ZNF385D: variants seen among roughly 807,000 people sequenced by gnomAD.
ZNF385D encodes zinc finger protein 385D.
Under a neutral mutation model 35.8 loss-of-function variants are expected in ZNF385D, and 15 were observed. The observed-to-expected ratio is 0.42, with a 90% CI of 0.28 to 0.64. The LOEUF is 0.64. ZNF385D is among the 30% of genes least tolerant of loss of function. ZNF385D has a pLI of 0.23. For synonymous variants in ZNF385D, 212 were observed against 186.8 expected (o/e 1.13, Z -1.10); for missense variants, 474 against 494.6 (o/e 0.96, Z 0.39).
rs1440718176 is a variant in ZNF385D, at chr3:21,683,606, G to T, written c.23-18578C>A. ...CACTCCAGCCTGGGTGAGAGAGTGA[G>T]ACTCCATCTCAAAAAAAAAAGAGAT... is the stretch of plus-strand genomic sequence containing the variant. On this transcript the variant is annotated intron_variant, in intron 1 of 7. Transcript: ENST00000281523. Among the ~76,000 whole-genome samples, 6 of 149,216 alleles carry T rather than the reference G, an allele frequency of 4.0e-5. 1 individual carries two copies. Among genetic ancestry groups the T allele is most frequent in the African/African-American group, 1.5e-4 (6 of 40,428 alleles).
rs1414907480 is a variant in ZNF385D, at chr3:21,812,674, G to T, written c.326-147646C>A. Among the ~76,000 whole-genome samples, 3 of 152,328 alleles carry T rather than the reference G, an allele frequency of 2.0e-5. No homozygotes were observed. In the East Asian group the frequency reaches 5.8e-4, roughly 29 times the overall value. ...GGGGAGTGCGCCATTGCTGAGGCTT[G>T]AGTAAGTAAACAAAGCAGCTGGGAA... On this transcript the variant is annotated intron_variant, in intron 3 of 5. Transcript: ENST00000494108.
At chr3:22,206,344 A>T (rs1173080195) in intron 2 of ZNF385D, among the ~76,000 whole-genome samples, 1 of 152,050 alleles carries the variant, frequency 6.6e-6, no homozygotes, top group African/African-American at 2.4e-5. Flanking sequence ...AGACTTCAAC[A>T]TCCCACTGTC....
At position 22,098,508 on chromosome 3, in the gene ZNF385D, G is replaced by T. The variant is rs555589415; in HGVS notation, c.325+70309C>A. On this transcript the variant is annotated intron_variant, in intron 3 of 5. Transcript: ENST00000494108. ...AATTAGAAATTGATTTAATTATTGG[G>T]TGCTTAACTACTCTCTAGCTGTCAT... Among the ~76,000 whole-genome samples the T allele has an allele frequency of 2.6e-5, 4 of 152,114 alleles. No homozygotes were observed. The East Asian group carries it at 7.8e-4, about 29-fold the overall frequency.
intron 3 of ZNF385D, among the ~76,000 whole-genome samples, chr3:21,812,350 T>G (rs1427857697): frequency 6.6e-6 from 1 of 152,216 alleles, no homozygotes; most frequent in Non-Finnish European, 1.5e-5. Context: ...TGGGGCTTGT[T>G]GGACAGTGGG....
At chr3:22,176,896 A>AT (rs1694866727) in intron 2 of ZNF385D, among the ~76,000 whole-genome samples, 1 of 152,354 alleles carries the variant, frequency 6.6e-6, no homozygotes, top group African/African-American at 2.4e-5. Context: ...CTACTACTAT[A>AT]TAAATAATAG....
intron 2 of ZNF385D, among the ~76,000 whole-genome samples, chr3:21,601,753 C>A (rs1312789490): frequency 1.3e-5 from 2 of 152,102 alleles, no homozygotes; most frequent in Non-Finnish European, 2.9e-5. Flanking sequence ...ACATCGTCAC[C>A]CTTTGAGATG....
chr3:21,680,660 A>G lies in ZNF385D; in HGVS notation c.23-15632T>C, dbSNP rs532627996. ...ACTAGAATCATGGCCATTCAATTTT[A>G]TAAGTGGCTTTCTTGTTTATTTGCT... On this transcript the variant is annotated intron_variant, in intron 1 of 7. Transcript: ENST00000281523. 3.3e-5 allele frequency among the ~76,000 whole-genome samples: 5 copies of G among 152,286 alleles called. No homozygotes were observed. The South Asian group carries it at 6.2e-4, about 19-fold the overall frequency.
intron 2 of ZNF385D, among the ~76,000 whole-genome samples, chr3:22,357,555 G>A (rs1465859045): frequency 6.6e-6 from 1 of 151,648 alleles, no homozygotes; most frequent in Non-Finnish European, 1.5e-5. Context: ...TATCAGTCAG[G>A]ATATGCTAGG....
intron 3 of ZNF385D, among the ~76,000 whole-genome samples, chr3:21,890,600 C>A (rs964040441): frequency 2.0e-5 from 3 of 151,908 alleles, no homozygotes; most frequent in African/African-American, 7.3e-5. Flanking sequence ...GCCTGGGTGA[C>A]AGAGTGAGAC....
chr3:21,689,152 T>C lies in ZNF385D; in HGVS notation c.23-24124A>G, dbSNP rs996391368. 9.2e-5 allele frequency among the ~76,000 whole-genome samples: 11 copies of C among 119,084 alleles called. No homozygotes were observed. In the South Asian group the frequency reaches 3.0e-3, roughly 32 times the overall value. The allele number at this position is 119,084 out of a possible 152,430, so 78.1% of individuals were successfully genotyped here. A position where few individuals can be genotyped will look rare whatever the true frequency, so the allele number is the denominator to read the frequency against. On this transcript the variant is annotated intron_variant, in intron 1 of 7. Transcript: ENST00000281523. Reference sequence around the variant, plus strand: ...AAGCAAAAAAAAAAAAAAAAAAAAATACTATTCCATTTAAAGACTGAATAG... The same window carrying C: ...AAGCAAAAAAAAAAAAAAAAAAAAACACTATTCCATTTAAAGACTGAATAG...
Position 21,646,102 on chromosome 3 carries a change from GT to G in ZNF385D, c.165+18783del, listed in dbSNP as rs140017962. 6.6e-6 allele frequency among the ~76,000 whole-genome samples: 1 copy of G among 151,858 alleles called. No homozygotes were observed. Among genetic ancestry groups the G allele is most frequent in the African/African-American group, 2.4e-5 (1 of 41,330 alleles). ...AGGCTGAGGCCAAAGTGTCAGATAA[GT>G]TTTTTTTAAAGAAAGAAAACCTCAG... On this transcript the variant is annotated intron_variant, in intron 2 of 7. Transcript: ENST00000281523. This position sits in a 1 kb window ranked among gnomAD's most constrained non-coding sequence, Gnocchi z 4.3.
At chr3:21,469,829 G>A (rs1046466266) in intron 4 of ZNF385D, among the ~76,000 whole-genome samples, 72 of 151,442 alleles carry the variant, frequency 4.8e-4, no homozygotes, top group Middle Eastern at 3.4e-3. Context: ...AGGCTTAAAG[G>A]AAAAAAAAGC....
chr3:21,900,869 T>G (rs535556510), intron 3 of ZNF385D, among the ~76,000 whole-genome samples: 124 of 152,296 alleles, frequency 8.1e-4, no homozygotes, highest in African/African-American at 3.0e-3. Context: ...TCCCCATGCC[T>G]GGACATCATC....
chr3:22,104,417 C>G lies in ZNF385D; in HGVS notation c.325+64400G>C, dbSNP rs920704575. On this transcript the variant is annotated intron_variant, in intron 3 of 5. Transcript: ENST00000494108. ...CTCTGCTTTAGAGGAAGACTAATGA[C>G]ATTCTTCTGCAGGTAGTATTTTGAT... Among the ~76,000 whole-genome samples the G allele has an allele frequency of 3.9e-5, 6 of 152,106 alleles. No individual in the cohort carries two copies. In the South Asian group the frequency reaches 1.2e-3, roughly 32 times the overall value.
chr3:21,521,044 T>C (rs1275263522), intron 3 of ZNF385D, among the ~76,000 whole-genome samples: 1 of 152,218 alleles, frequency 6.6e-6, no homozygotes, highest in Non-Finnish European at 1.5e-5. Flanking sequence ...CTTCCCTCTA[T>C]AGTTTTGTAG....
intron 3 of ZNF385D, among the ~76,000 whole-genome samples, chr3:22,082,042 T>G (rs898492884): frequency 2.0e-5 from 3 of 149,224 alleles, no homozygotes; most frequent in African/African-American, 7.4e-5. Context: ...AAATAACCAA[T>G]AGAAATGACT....
chr3:21,924,420 C>T (rs906073247), intron 3 of ZNF385D, among the ~76,000 whole-genome samples: 2 of 152,174 alleles, frequency 1.3e-5, no homozygotes, highest in African/African-American at 4.8e-5. Flanking sequence ...CAAAATCCTG[C>T]CCTCTTTAGT....
chr3:21,809,126 C>T (rs565005777), intron 3 of ZNF385D, among the ~76,000 whole-genome samples: 7 of 151,858 alleles, frequency 4.6e-5, no homozygotes, highest in African/African-American at 9.7e-5. Flanking sequence ...CTCAAAAACA[C>T]ACAAAGTACC....
intron 3 of ZNF385D, among the ~76,000 whole-genome samples, chr3:21,943,177 C>T (rs189394263): frequency 6.6e-6 from 1 of 152,016 alleles, no homozygotes; most frequent in East Asian, 1.9e-4. Flanking sequence ...TTGGTACTGT[C>T]TAGCTTATAG....
Sources: gnomAD v4.1 joint callset for allele counts (sites outside exome capture counted in the v4.1 genomes callset) on GRCh38, gnomAD v4.1.1 for gene constraint, Gnocchi (gnomAD v3.1) non-coding constraint, MANE v1.5 for transcripts, NCBI Gene and HGNC (gene_info 2026-07-23, HGNC 2026-07-21) for gene names.